RAI14: variants seen among roughly 807,000 people sequenced by gnomAD.
The protein encoded by RAI14 is retinoic acid induced 14.
Under a neutral mutation model 115.4 loss-of-function variants are expected in RAI14, and 45 were observed. The observed-to-expected ratio is 0.39, with a 90% CI of 0.31 to 0.50. The LOEUF (loss-of-function observed/expected upper bound fraction) is 0.50. RAI14 is among the 20% of genes least tolerant of loss of function. The pLI is 0.85. For missense variants in RAI14, 939 were observed against 1,131.2 expected, an observed-to-expected ratio of 0.83 and a Z score of 2.44; for synonymous variants, 371 against 415.4, an observed-to-expected ratio of 0.89 and a Z score of 1.30.
intron 3 of RAI14, among the ~76,000 whole-genome samples, chr5:34,761,335 C>A (rs1748628018): frequency 6.6e-6 from 1 of 151,894 alleles, no homozygotes; most frequent in African/African-American, 2.4e-5. Flanking sequence ...TACAGGTATG[C>A]ACCACTGCAC....
intron 14 of RAI14, among the ~76,000 whole-genome samples, chr5:34,822,214 A>C (rs949036894): frequency 2.8e-5 from 4 of 145,192 alleles, no homozygotes; most frequent in Non-Finnish European, 6.0e-5. Flanking sequence ...TATATATTAA[A>C]ATTTTACGTT....
chr5:34,799,684 C>CCT (rs1754015236), intron 4 of RAI14, among the ~76,000 whole-genome samples: 1 of 97,852 alleles, frequency 1.0e-5, no homozygotes, highest in Non-Finnish European at 2.1e-5. Context: ...AATCTGTTAG[C>CCT]ATTTTTTTTT....
intron 2 of RAI14, among the ~76,000 whole-genome samples, chr5:34,745,637 C>T (rs541345630): frequency 1.3e-5 from 2 of 152,190 alleles, no homozygotes; most frequent in African/African-American, 4.8e-5. Flanking sequence ...CATGATAGAT[C>T]AAGCCAACTG....
chr5:34,818,988 TGCA>T (rs1441856816), intron 13 of RAI14, 137 bp downstream of exon 13: 1 of 712,886 alleles, frequency 1.4e-6, no homozygotes, highest in African/African-American at 1.8e-5. Flanking sequence ...CTGCCAGTAA[TGCA>T]CAAGCTGAAG....
At position 34,811,712 on chromosome 5, in the gene RAI14, A is replaced by G. The variant is rs534211174; in HGVS notation, c.558-55A>G. ...TTTTTTTAAGACAACTGATTTCCCA[A>G]GAAAGACTTTTTACATTCTCTTAGT... On this transcript the variant is annotated intron_variant, in intron 8 of 17. Transcript: ENST00000265109. The G allele has an allele frequency of 6.1e-4, 897 of 1,469,902 alleles. 1 individual carries two copies. The highest frequency in any genetic ancestry group is 7.0e-4 in the Non-Finnish European group (758 of 1,089,408). The allele number at this position is 1,469,902 out of a possible 1,614,324, so 91.1% of individuals were successfully genotyped here.
At chr5:34,723,263 A>AG (rs149353023) in intron 2 of RAI14, among the ~76,000 whole-genome samples, 1 of 152,214 alleles carries the variant, frequency 6.6e-6, no homozygotes, top group East Asian at 1.9e-4. Flanking sequence ...ATCTATAGAG[A>AG]GAAAAAAAAA....
chr5:34,710,197 T>C (rs1741226526), intron 2 of RAI14, among the ~76,000 whole-genome samples: 1 of 152,184 alleles, frequency 6.6e-6, no homozygotes, highest in Non-Finnish European at 1.5e-5. Flanking sequence ...GAAGTCTGTG[T>C]AGCAGGGCCA....
chr5:34,796,644 G>GT (rs1438307537), intron 4 of RAI14, among the ~76,000 whole-genome samples: 1 of 152,052 alleles, frequency 6.6e-6, no homozygotes, highest in Non-Finnish European at 1.5e-5. Flanking sequence ...GAATCATTGT[G>GT]TGAGGTGATG....
intron 2 of RAI14, among the ~76,000 whole-genome samples, chr5:34,738,769 G>A (rs762176020): frequency 1.3e-5 from 2 of 152,156 alleles, no homozygotes; most frequent in African/African-American, 2.4e-5. Context: ...GAGATATCCT[G>A]AAATTTCTAG....
At chr5:34,797,488 A>G (rs1753685954) in intron 4 of RAI14, among the ~76,000 whole-genome samples, 1 of 152,108 alleles carries the variant, frequency 6.6e-6, no homozygotes, top group East Asian at 1.9e-4. Context: ...TTTGATGTCA[A>G]GTCAGGTGAA....
At chr5:34,774,894 A>C (rs1018583020) in intron 3 of RAI14, among the ~76,000 whole-genome samples, 28 of 152,236 alleles carry the variant, frequency 1.8e-4, no homozygotes, top group African/African-American at 6.5e-4. Flanking sequence ...TAACTAAAAC[A>C]GCATGGTACT....
intron 2 of RAI14, among the ~76,000 whole-genome samples, chr5:34,714,811 G>A (rs1741804481): frequency 6.6e-6 from 1 of 152,092 alleles, no homozygotes; most frequent in South Asian, 2.1e-4. Flanking sequence ...ATTAAGATTA[G>A]CATTGCAGTA....
chr5:34,748,696 C>T (rs964928234), intron 2 of RAI14, among the ~76,000 whole-genome samples: 1 of 151,950 alleles, frequency 6.6e-6, no homozygotes, highest in Admixed American at 6.6e-5. Flanking sequence ...ATTTGGGAGC[C>T]TCATGCCTAT....
At chr5:34,688,882 T>G (rs1481876733) in intron 2 of RAI14, among the ~76,000 whole-genome samples, 1 of 152,254 alleles carries the variant, frequency 6.6e-6, no homozygotes, top group Non-Finnish European at 1.5e-5. Flanking sequence ...AGAGGTATAC[T>G]AAGCTTTTCA....
At position 34,807,834 on chromosome 5, in the gene RAI14, G is replaced by A. The variant is rs140048798; in HGVS notation, c.356G>A (p.Gly119Glu). 48 of 1,611,180 alleles carry A rather than the reference G, an allele frequency of 3.0e-5. No individual in the cohort carries two copies. Among genetic ancestry groups the A allele is most frequent in the Non-Finnish European group, 3.8e-5 (45 of 1,177,488 alleles). ...KCPAESVDSS[G>E]KTALHYAAAQ... ...CCAGCCGAAAGTGTCGACAGCTCTG[G>A]GAAAACAGCTTTACATTATGCAGGT... The change falls in exon 6 of 18, where the codon GGG becomes GAG. Residue 119 changes from glycine to glutamate, a missense_variant. Transcript: ENST00000265109.
intron 3 of RAI14, among the ~76,000 whole-genome samples, chr5:34,758,999 C>T (rs1391329689): frequency 2.0e-5 from 3 of 152,146 alleles, no homozygotes; most frequent in East Asian, 1.9e-4. Flanking sequence ...CAGTGGCTCC[C>T]GCCTGTAATC....
At chr5:34,753,871 A>T (rs1747499988) in intron 2 of RAI14, among the ~76,000 whole-genome samples, 1 of 146,262 alleles carries the variant, frequency 6.8e-6, no homozygotes, top group African/African-American at 2.6e-5. Flanking sequence ...CTGAGATTGC[A>T]CCACTGCACT....
intron 2 of RAI14, among the ~76,000 whole-genome samples, chr5:34,748,079 A>G (rs72730562): frequency 0.088 from 13,391 of 152,226 alleles, 793 homozygotes; most frequent in Middle Eastern, 0.13. Context: ...TGAAGTGGGT[A>G]GGGCAGAGGG....
chr5:34,820,154 G>A (rs1756678178), intron 13 of RAI14, among the ~76,000 whole-genome samples: 1 of 152,186 alleles, frequency 6.6e-6, no homozygotes, highest in Admixed American at 6.6e-5. Context: ...AGGTCATTTT[G>A]CATCCTTCCA....
Sources: gnomAD v4.1 joint callset for allele counts (sites outside exome capture counted in the v4.1 genomes callset) on GRCh38, gnomAD v4.1.1 for gene constraint, MANE v1.5 for transcripts, NCBI Gene and HGNC (gene_info 2026-07-23, HGNC 2026-07-21) for gene names.